Variants in FKBP1B observed in about 807,000 individuals in gnomAD.
FKBP1B encodes the protein peptidyl-prolyl cis-trans isomerase FKBP1B.
Under a neutral mutation model 13.5 loss-of-function variants are expected in FKBP1B, and 4 were observed. The observed-to-expected ratio is 0.30, with a 90% CI of 0.15 to 0.68. The LOEUF is 0.68. FKBP1B is among the 30% of genes least tolerant of loss of function. The probability of loss-of-function intolerance (pLI) is 0.76; values close to 1 mark genes in which losing one functional copy is unlikely to be tolerated. For synonymous variants in FKBP1B, 54 were observed against 53.6 expected (o/e 1.01, Z -0.03); for missense variants, 93 against 136.2 (o/e 0.68, Z 1.58).
At position 24,050,955 on chromosome 2, in the gene FKBP1B, C is replaced by CT. The variant is rs531640395; in HGVS notation, c.37+1070dup. On this transcript the variant is annotated intron_variant, in intron 1 of 3. Transcript: ENST00000380986. This position sits in a 1 kb window ranked among gnomAD's most constrained non-coding sequence, Gnocchi z 5.8. ...AGGCCTTTTCATCCCTCAGCAGCCCCTGAGCTAATCTCCCCATCTTCAGTC... is the reference window on the plus strand; with the variant it reads ...AGGCCTTTTCATCCCTCAGCAGCCCCTTGAGCTAATCTCCCCATCTTCAGTC... 2.9e-4 allele frequency among the ~76,000 whole-genome samples: 44 copies of CT among 152,342 alleles called. No homozygotes were observed. The highest frequency in any genetic ancestry group is 1.0e-3 in the African/African-American group (42 of 41,574).
chr2:24,047,535 G>T (rs1663667953), upstream of FKBP1B, among the ~76,000 whole-genome samples: 1 of 152,184 alleles, frequency 6.6e-6, no homozygotes, highest in Admixed American at 6.5e-5. Context: ...CACATTAGCA[G>T]AGGGTTCGTC....
intron 2 of FKBP1B, among the ~76,000 whole-genome samples, chr2:24,056,156 A>G (rs567982905): frequency 6.6e-6 from 1 of 151,178 alleles, no homozygotes; most frequent in Non-Finnish European, 1.5e-5. Flanking sequence ...TGCCTGGCTA[A>G]TTTTTGTGTT....
At chr2:24,038,527 G>C in the FKBP1B span, 2 of 1,614,212 alleles carry the variant, frequency 1.2e-6, no homozygotes, top group Non-Finnish European at 1.7e-6. Flanking sequence ...CTTCTTAAAG[G>C]TCACAAGGAC....
At chr2:24,037,585 A>G in the FKBP1B span, 1 of 1,335,254 alleles carries the variant, frequency 7.5e-7, no homozygotes. Context: ...GCTCAGTTAG[A>G]GCACCATCTT....
intron 3 of FKBP1B, among the ~76,000 whole-genome samples, chr2:24,062,335 C>A (rs570787987): frequency 7.0e-4 from 106 of 152,064 alleles, no homozygotes; most frequent in African/African-American, 2.2e-3. Context: ...ATCACCATCA[C>A]GCCTGGCTAA....
At position 24,049,782 on chromosome 2, in the gene FKBP1B, G is replaced by GA. The variant is rs1260970109; in HGVS notation, c.-68_-67insA. 1 of 1,247,678 alleles carries GA rather than the reference G, an allele frequency of 8.0e-7. No homozygotes were observed. The highest frequency in any genetic ancestry group is 1.0e-6 in the Non-Finnish European group (1 of 979,140). 77.3% of individuals were successfully genotyped at this position (1,247,678 alleles called of 1,614,324 possible). ...GGCGAGCCGGAGCGACGGCGGGGCT[G>GA]GGGCCGGAGCCGAGCCGGGGTCGGG... is the stretch of plus-strand genomic sequence containing the variant. On this transcript the variant is annotated 5_prime_UTR_variant, in exon 1 of 4. Coordinates refer to ENST00000380986, the MANE Select transcript of FKBP1B (RefSeq NM_004116.5).
At position 24,063,430 on chromosome 2, in the gene FKBP1B, T is replaced by C. The variant is rs1199393775; in HGVS notation, c.*238T>C. On this transcript the variant is annotated 3_prime_UTR_variant, in exon 4 of 4. Coordinates refer to ENST00000380986, the MANE Select transcript of FKBP1B (RefSeq NM_004116.5). The stretch of plus-strand genomic sequence containing the variant: ...GAAGCATTTCAGGTTGTGCATTTTG[T>C]GTGATGCATGTAGTAGCCTTTCCTG... 18 of 487,886 alleles carry C rather than the reference T, an allele frequency of 3.7e-5. No homozygotes were observed. Among genetic ancestry groups the C allele is most frequent in the Non-Finnish European group, 5.8e-5 (16 of 276,924 alleles). The allele number at this position is 487,886 out of a possible 1,614,324, so 30.2% of individuals were successfully genotyped here.
chr2:24,059,680 G>A (rs1372853750), intron 2 of FKBP1B, among the ~76,000 whole-genome samples: 2 of 151,902 alleles, frequency 1.3e-5, no homozygotes, highest in African/African-American at 2.4e-5. Context: ...GATCACCTGA[G>A]GTCAGGAGTT....
intron 3 of FKBP1B, 85 bp from the exon 4 acceptor site, chr2:24,062,979 A>G: frequency 6.2e-7 from 1 of 1,602,522 alleles, no homozygotes; most frequent in African/African-American, 1.3e-5. Flanking sequence ...ATGGTTTGGG[A>G]AAATGCCATA....
At chr2:24,033,871 G>A in the FKBP1B span, among the ~76,000 whole-genome samples, 1 of 152,120 alleles carries the variant, frequency 6.6e-6, no homozygotes, top group Non-Finnish European at 1.5e-5. Context: ...TGGGCAACAT[G>A]GCAAGACCCC....
intron 3 of FKBP1B, among the ~76,000 whole-genome samples, chr2:24,062,859 C>G (rs1450680122): frequency 6.6e-6 from 1 of 152,224 alleles, no homozygotes; most frequent in Admixed American, 6.5e-5. Context: ...GGTTACTGCC[C>G]CACAGTCACA....
upstream of FKBP1B, among the ~76,000 whole-genome samples, chr2:24,049,274 A>T (rs750698826): frequency 3.9e-4 from 59 of 152,236 alleles, no homozygotes; most frequent in Non-Finnish European, 6.6e-4. Context: ...GAGGCTGAGG[A>T]AGAAGGATCG....
At chr2:24,049,642 G>T, upstream of FKBP1B, 1 of 378,258 alleles carries the variant, frequency 2.6e-6, no homozygotes, top group Non-Finnish European at 4.7e-6. Flanking sequence ...GCCCCGCCCC[G>T]GCCGACCCCA....
chr2:24,038,421 G>A, the FKBP1B span: 1 of 1,614,106 alleles, frequency 6.2e-7, no homozygotes, highest in Non-Finnish European at 8.5e-7. Flanking sequence ...TACAAGTGTT[G>A]GAAGCCACTG....
chr2:24,042,742 C>A, the FKBP1B span, among the ~76,000 whole-genome samples: 43 of 149,868 alleles, frequency 2.9e-4, no homozygotes, highest in Non-Finnish European at 5.2e-4. Flanking sequence ...AAAACAATTA[C>A]TGGGCCAGAG....
chr2:24,061,139 A>G lies in FKBP1B; in HGVS notation c.198+213A>G, dbSNP rs72783604. Among the ~76,000 whole-genome samples the G allele has an allele frequency of 3.5e-3, 530 of 152,132 alleles. 2 individuals are homozygous for G. Among genetic ancestry groups the G allele is most frequent in the Non-Finnish European group, 6.0e-3 (406 of 67,984 alleles). On this transcript the variant is annotated intron_variant, in intron 3 of 3. Coordinates refer to ENST00000380986, the MANE Select transcript of FKBP1B (RefSeq NM_004116.5). ...CTCTTTTGTGTCCCTGGGGGCTCTC[A>G]TCCCAAGCACATCCCCCTAGGCTTG...
chr2:24,060,798 A>C lies in FKBP1B; in HGVS notation c.86-16A>C, dbSNP rs1211166220. 95 of 1,603,164 alleles carry C rather than the reference A, an allele frequency of 5.9e-5. No homozygotes were observed. Among genetic ancestry groups the C allele is most frequent in the Non-Finnish European group, 8.0e-5 (94 of 1,170,250 alleles). On this transcript the variant is annotated splice_polypyrimidine_tract_variant and intron_variant, in intron 2 of 3. Transcript: ENST00000380986. ...CATGACCACAGCTCTATTGCACCCG[A>C]TTCTTGCTTTGACAGGAATGCTCCA...
chr2:24,056,350 GTTT>G (rs1177572065), intron 2 of FKBP1B, among the ~76,000 whole-genome samples: 1 of 135,380 alleles, frequency 7.4e-6, no homozygotes. Flanking sequence ...GGGTTTTTTT[GTTT>G]TTTTTTTTTG....
At chr2:24,058,522 A>T (rs1664239970) in intron 2 of FKBP1B, among the ~76,000 whole-genome samples, 1 of 152,254 alleles carries the variant, frequency 6.6e-6, no homozygotes, top group Non-Finnish European at 1.5e-5. Context: ...AGATAAATGA[A>T]GTTATTTATC....
Sources: allele counts gnomAD v4.1 joint callset (sites outside exome capture counted in the v4.1 genomes callset), GRCh38; gene constraint gnomAD v4.1.1; non-coding constraint Gnocchi (gnomAD v3.1); transcripts MANE v1.5; gene names NCBI Gene and HGNC (gene_info 2026-07-23, HGNC 2026-07-21).